TSN: variants seen among roughly 807,000 people sequenced by gnomAD.
The protein encoded by TSN is component 3 of promoter of RISC.
TSN carries 5 observed loss-of-function variants against 29.4 expected under a neutral mutation model. The observed-to-expected ratio is 0.17, with a 90% CI of 0.09 to 0.36. The LOEUF (loss-of-function observed/expected upper bound fraction) is 0.36. TSN is among the 10% of genes least tolerant of loss of function. The pLI is 1.00. For missense variants in TSN, 159 were observed against 272.8 expected (o/e 0.58, Z 2.94); for synonymous variants, 106 against 102.2 (o/e 1.04, Z -0.23).
rs2074893261 is a variant in TSN, at chr2:121,765,761, A to G, written c.*394A>G. ...TTCTATATGCGAGTTAGCCATCCAC[A>G]CCCAGGCATAGCCTGGATACAGTAT... On this transcript the variant is annotated 3_prime_UTR_variant, in exon 6 of 6. Transcript: ENST00000389682. 5.3e-6 allele frequency: 1 copy of G among 188,860 alleles called. No individual in the cohort carries two copies. The highest frequency in any genetic ancestry group is 1.1e-5 in the Non-Finnish European group (1 of 90,716). The allele number at this position is 188,860 out of a possible 1,614,324, so 11.7% of individuals were successfully genotyped here. A position where few individuals can be genotyped will look rare whatever the true frequency, so the allele number is the denominator to read the frequency against.
rs529000130 is a variant in TSN, at chr2:121,755,713, G to C, written c.-67G>C. The C allele has an allele frequency of 3.4e-5, 55 of 1,596,696 alleles. 1 individual carries two copies. The African/African-American group carries it at 4.7e-4, about 14-fold the overall frequency. ...GCGGCCGTTGCGATTGATTGCGCTGGTTGCCTGCGGCGTCCACTTCCTTGG... is the reference window on the plus strand; with the variant it reads ...GCGGCCGTTGCGATTGATTGCGCTGCTTGCCTGCGGCGTCCACTTCCTTGG... On this transcript the variant is annotated 5_prime_UTR_variant, in exon 1 of 6. Transcript: ENST00000389682.
intron 3 of TSN, among the ~76,000 whole-genome samples, chr2:121,759,768 G>A (rs946881867): frequency 2.6e-5 from 4 of 152,180 alleles, no homozygotes; most frequent in Non-Finnish European, 5.9e-5. Flanking sequence ...CAGTAAATAG[G>A]ATGAGTATTT....
chr2:121,761,876 G>A (rs2074834109), intron 4 of TSN, among the ~76,000 whole-genome samples: 2 of 151,698 alleles, frequency 1.3e-5, no homozygotes, highest in African/African-American at 4.8e-5. Flanking sequence ...GGAGTGCAGT[G>A]GTGCAATCTC....
intron 5 of TSN, among the ~76,000 whole-genome samples, chr2:121,764,666 G>T (rs1412172625): frequency 6.6e-6 from 1 of 151,774 alleles, no homozygotes; most frequent in Non-Finnish European, 1.5e-5. Flanking sequence ...TCAAGACAGG[G>T]TTACACTAAC....
At chr2:121,763,181 C>G (rs548366987) in intron 5 of TSN, 97 bp downstream of exon 5, 2 of 901,060 alleles carry the variant, frequency 2.2e-6, no homozygotes, top group Admixed American at 4.0e-5. Context: ...CCCGCTCTGT[C>G]GCCTAGGCTG....
intron 2 of TSN, chr2:121,757,742 C>T (rs560029342): frequency 1.2e-4 from 20 of 164,836 alleles, no homozygotes; most frequent in South Asian, 9.9e-4. Context: ...CTGCAACCTC[C>T]GCCTCCTGGG....
chr2:121,760,505 G>A (rs979377636), intron 3 of TSN, among the ~76,000 whole-genome samples: 1 of 152,236 alleles, frequency 6.6e-6, no homozygotes, highest in African/African-American at 2.4e-5. Context: ...AGAAGGGTTT[G>A]TGTGACCTGC....
intron 3 of TSN, among the ~76,000 whole-genome samples, chr2:121,759,876 T>C (rs1443904446): frequency 6.6e-6 from 1 of 152,208 alleles, no homozygotes; most frequent in Non-Finnish European, 1.5e-5. Context: ...AGAATTGCTT[T>C]TGTTTTTTCA....
At chr2:121,761,362 C>G (rs754365973) in intron 3 of TSN, 47 bp from the exon 4 acceptor site, 1 of 1,407,144 alleles carries the variant, frequency 7.1e-7, no homozygotes, top group Admixed American at 1.7e-5. Flanking sequence ...ACCCATCTTT[C>G]TGAAGGTCCC....
chr2:121,758,200 A>G (rs568075591), intron 2 of TSN, among the ~76,000 whole-genome samples: 3 of 152,296 alleles, frequency 2.0e-5, no homozygotes, highest in East Asian at 1.9e-4. Context: ...TGGAACCTTC[A>G]TTGTAAGGTA....
Position 121,765,507 on chromosome 2 carries a change from C to T in TSN, c.*140C>T. The T allele has an allele frequency of 1.3e-6, 1 of 792,166 alleles. No individual in the cohort carries two copies. Among genetic ancestry groups the T allele is most frequent in the South Asian group, 1.8e-5 (1 of 55,032 alleles). 49.1% of individuals were successfully genotyped at this position (792,166 alleles called of 1,614,324 possible). ...TCTTAACCAGTTGTGGTGTGAGTAT[C>T]AGAATTGAAACACTTTTTTGGGGGT... On this transcript the variant is annotated 3_prime_UTR_variant, in exon 6 of 6. Transcript: ENST00000389682.
At chr2:121,761,635 C>A in intron 4 of TSN, 111 bp downstream of exon 4, 1 of 808,710 alleles carries the variant, frequency 1.2e-6, no homozygotes, top group Admixed American at 2.0e-5. Flanking sequence ...AACTAAAAAC[C>A]ACTTATAGTT....
chr2:121,763,049 T>G lies in TSN; in HGVS notation c.418T>G (p.Tyr140Asp). The change falls in exon 5 of 6, where the codon TAT (tyrosine) becomes GAT (aspartate). Residue 140 changes from tyrosine to aspartate, a missense_variant. Physicochemically the swap from Tyr to Asp is radical, Grantham distance 160. This residue lies in a region of TSN where 85 missense variants were observed against 178.1 expected (regional missense o/e 0.48). Coordinates refer to ENST00000389682, the MANE Select transcript of TSN (RefSeq NM_004622.3). ...AGGATTTCATCTGGATGTAGAAGAT[T>G]ATCTCTCAGGAGTTCTAATTCTTGC... Reference protein sequence around the residue: ...EKGFHLDVEDYLSGVLILASE... With the variant: ...EKGFHLDVEDDLSGVLILASE... 1 of 1,611,794 alleles carries G rather than the reference T, an allele frequency of 6.2e-7. No homozygotes were observed. Among genetic ancestry groups the G allele is most frequent in the Non-Finnish European group, 8.5e-7 (1 of 1,179,296 alleles).
chr2:121,764,148 A>G (rs1246225366), intron 5 of TSN, among the ~76,000 whole-genome samples: 4 of 152,146 alleles, frequency 2.6e-5, no homozygotes, highest in Non-Finnish European at 5.9e-5. Context: ...AATGGAGTCT[A>G]TTGGAGTGGG....
rs1293825791 is a variant in TSN at position 121,757,601 on chromosome 2, C to T, written c.160+268C>T. ...CTGTTTAGAAAAAAAAAGTGCAGCT[C>T]TCTGCCAGCACAGTATTCTCAGGGT... is the stretch of plus-strand genomic sequence containing the variant. On this transcript the variant is annotated intron_variant, in intron 2 of 5. Transcript: ENST00000389682. 7 of 507,960 alleles carry T rather than the reference C, an allele frequency of 1.4e-5. 1 individual carries two copies. Among genetic ancestry groups the T allele is most frequent in the Non-Finnish European group, 2.4e-5 (7 of 292,428 alleles). The allele number at this position is 507,960 out of a possible 1,614,324, so 31.5% of individuals were successfully genotyped here.
chr2:121,765,630 T>A lies in TSN; in HGVS notation c.*263T>A. 1 of 485,198 alleles carries A rather than the reference T, an allele frequency of 2.1e-6. No individual in the cohort carries two copies. Among genetic ancestry groups the A allele is most frequent in the Non-Finnish European group, 3.7e-6 (1 of 271,478 alleles). The allele number at this position is 485,198 out of a possible 1,614,324, so 30.1% of individuals were successfully genotyped here. On this transcript the variant is annotated 3_prime_UTR_variant, in exon 6 of 6. Coordinates refer to ENST00000389682, the MANE Select transcript of TSN (RefSeq NM_004622.3). The stretch of plus-strand genomic sequence containing the variant: ...TCAGTTCCGTCAGAAAGTGTAAATG[T>A]TAGTTTCTTGGTAAAGTCCTTTTCT...
At chr2:121,758,958 T>C (rs2074785035) in intron 3 of TSN, 152 bp downstream of exon 3, 1 of 448,522 alleles carries the variant, frequency 2.2e-6, no homozygotes, top group African/African-American at 2.0e-5. Flanking sequence ...ATGACAAAAA[T>C]TGGTGATTTT....
chr2:121,755,815 C>G lies in TSN; in HGVS notation c.36C>G (p.Gly12=), dbSNP rs780659168. 4 of 1,614,010 alleles carry G rather than the reference C, an allele frequency of 2.5e-6. No individual in the cohort carries two copies. In the African/African-American group the frequency reaches 5.3e-5, roughly 22 times the overall value. ...SVSEIFVELQ[G]FLAAEQDIRE... is the part of the protein sequence containing the mutation. ...GCGAGATCTTCGTGGAGCTGCAGGG[C>G]TTTTTGGCTGCCGAGCAGGACATCC... Residue 12 remains glycine (G), a synonymous_variant, in exon 1 of 6, where the codon GGC becomes GGG. Coordinates refer to ENST00000389682, the MANE Select transcript of TSN (RefSeq NM_004622.3).
chr2:121,762,885 G>T, intron 4 of TSN, 120 bp from the exon 5 acceptor site: 1 of 924,150 alleles, frequency 1.1e-6, no homozygotes, highest in Non-Finnish European at 1.5e-6. Flanking sequence ...ATATTAAAAA[G>T]CCAGTTTTTA....
Sources: gnomAD v4.1 joint callset for allele counts (sites outside exome capture counted in the v4.1 genomes callset) on GRCh38, gnomAD v4.1.1 for gene constraint, gnomAD v4.1.1 regional missense constraint, MANE v1.5 for transcripts, NCBI Gene and HGNC (gene_info 2026-07-23, HGNC 2026-07-21) for gene names.